RBM41: variants seen among roughly 807,000 people sequenced by gnomAD.
The protein encoded by RBM41 is RNA-binding protein 41.
Under a neutral mutation model 30.8 loss-of-function variants are expected in RBM41, and 14 were observed. The ratio of observed to expected loss-of-function variants is 0.45; its 90% CI spans 0.30 to 0.71. The LOEUF (loss-of-function observed/expected upper bound fraction) is 0.71, where lower values mean the gene tolerates loss of function less well. Ranked by LOEUF, RBM41 falls within the 30% of genes least tolerant of loss-of-function variation. RBM41 has a pLI of 0.08. For synonymous variants in RBM41, 120 were observed against 110.1 expected (o/e 1.09, Z -0.56); for missense variants, 276 against 326.3 (o/e 0.85, Z 1.19).
intron 5 of RBM41, among the ~76,000 whole-genome samples, chrX:107,090,811 C>A (rs1922467728): frequency 9.1e-6 from 1 of 109,761 alleles, no homozygotes; most frequent in East Asian, 2.8e-4. Flanking sequence ...TTAAATTTTA[C>A]TTTAAGTTCT....
intron 5 of RBM41, among the ~76,000 whole-genome samples, chrX:107,103,948 C>T (rs1220957522): frequency 9.0e-6 from 1 of 110,529 alleles, no homozygotes; most frequent in Non-Finnish European, 1.9e-5. Context: ...GGAGATGGTC[C>T]GATGATTGTC....
At chrX:107,102,416 A>G in intron 5 of RBM41, among the ~76,000 whole-genome samples, 1 of 111,673 alleles carries the variant, frequency 9.0e-6, no homozygotes, top group South Asian at 3.7e-4. Flanking sequence ...GTGCTCTGGA[A>G]ACAGGGCCAA....
At chrX:107,092,198 A>C (rs1443908965) in intron 5 of RBM41, among the ~76,000 whole-genome samples, 1 of 110,719 alleles carries the variant, frequency 9.0e-6, no homozygotes, top group African/African-American at 3.3e-5. Flanking sequence ...CATTAAGGAA[A>C]AGATTGATAA....
At chrX:107,117,184 T>C (rs1481286013) in intron 1 of RBM41, among the ~76,000 whole-genome samples, 6 of 111,965 alleles carry the variant, frequency 5.4e-5, no homozygotes, top group Non-Finnish European at 1.1e-4. Flanking sequence ...AAGGTACTTT[T>C]AAGCTGACAT....
In RBM41 at chrX:107,063,941, GTCTT is replaced by G. The variant is rs1462638072; in HGVS notation, c.*3582_*3585del. Among the ~76,000 whole-genome samples the G allele has an allele frequency of 7.6e-5, 8 of 105,179 alleles. No individual in the cohort carries two copies. The highest frequency in any genetic ancestry group is 1.0e-4 in the Admixed American group (1 of 9,743). The allele number at this position is 105,179 out of a possible 115,157, so 91.3% of individuals were successfully genotyped here. A position where few individuals can be genotyped will look rare whatever the true frequency, so the allele number is the denominator to read the frequency against. ...GGTGTAAAGTGAGGTTAGTGCTATG[GTCTT>G]TCTTTTCTTTTTTTTTTTTTTTTTG... On this transcript the variant is annotated 3_prime_UTR_variant, in exon 8 of 8. Transcript: ENST00000685964.
chrX:107,102,668 G>A (rs966759587), intron 5 of RBM41, among the ~76,000 whole-genome samples: 2 of 111,428 alleles, frequency 1.8e-5, no homozygotes, highest in Admixed American at 1.9e-4. Flanking sequence ...ACAGGACAAA[G>A]GAAGGATGAT....
In RBM41 at chrX:107,065,885, T is replaced by G. The variant is rs1935820037; in HGVS notation, c.*1642A>C. On this transcript the variant is annotated 3_prime_UTR_variant, in exon 8 of 8. Transcript: ENST00000685964. ...AAAAGAAAAATGCATAGATTGTTTCTGATAATTACATAATTATTTTTGCCT... is the reference window on the plus strand; with the variant it reads ...AAAAGAAAAATGCATAGATTGTTTCGGATAATTACATAATTATTTTTGCCT... 1.7e-5 allele frequency: 11 copies of G among 640,378 alleles called. 1 individual carries two copies. The highest frequency in any genetic ancestry group is 2.3e-5 in the Non-Finnish European group (11 of 477,060). 52.8% of individuals were successfully genotyped at this position (640,378 alleles called of 1,213,427 possible).
intron 6 of RBM41, among the ~76,000 whole-genome samples, chrX:107,076,720 A>G (rs1234326312): frequency 1.8e-5 from 2 of 111,492 alleles, no homozygotes; most frequent in African/African-American, 6.5e-5. Context: ...GTGTTTTTAA[A>G]ACACAATTTA....
chrX:107,098,554 G>T (rs868206614), intron 5 of RBM41, among the ~76,000 whole-genome samples: 1 of 111,324 alleles, frequency 9.0e-6, no homozygotes, highest in Non-Finnish European at 1.9e-5. Flanking sequence ...CACAATAACA[G>T]TCTAGACATT....
At chrX:107,059,491 G>A (rs1935610296), downstream of RBM41, among the ~76,000 whole-genome samples, 1 of 111,204 alleles carries the variant, frequency 9.0e-6, no homozygotes, top group Non-Finnish European at 1.9e-5. Context: ...TATGTATCCT[G>A]GAACTTTGAA....
In RBM41 at chrX:107,062,159, A is replaced by G. The variant is rs753080889; in HGVS notation, c.*5368T>C. On this transcript the variant is annotated 3_prime_UTR_variant, in exon 8 of 8. Coordinates refer to ENST00000685964, the MANE Select transcript of RBM41 (RefSeq NM_001324242.2). ...GAAAATAATATGAATGGAATCAAAC[A>G]GTAAGCAGCCTTTTGAGTTTGGCTT... Among the ~76,000 whole-genome samples, 141 of 112,397 alleles carry G rather than the reference A, an allele frequency of 1.3e-3. No homozygotes were observed. Among genetic ancestry groups the G allele is most frequent in the African/African-American group, 4.4e-3 (136 of 30,974 alleles).
At chrX:107,080,216 A>G (rs1360027283) in intron 6 of RBM41, among the ~76,000 whole-genome samples, 1 of 110,144 alleles carries the variant, frequency 9.1e-6, no homozygotes, top group African/African-American at 3.3e-5. Context: ...TCTTCCAAAG[A>G]GGTTGTATTA....
intron 5 of RBM41, among the ~76,000 whole-genome samples, chrX:107,107,662 G>A (rs1924118491): frequency 9.0e-6 from 1 of 111,513 alleles, no homozygotes; most frequent in African/African-American, 3.3e-5. Flanking sequence ...TTTGCTGGGT[G>A]GATGTGATAC....
intron 6 of RBM41, among the ~76,000 whole-genome samples, 173 bp downstream of exon 6, chrX:107,088,263 T>C (rs1922214313): frequency 8.9e-6 from 1 of 112,200 alleles, no homozygotes; most frequent in African/African-American, 3.2e-5. Flanking sequence ...ATAGGAAATA[T>C]GCTACTTATA....
intron 6 of RBM41, among the ~76,000 whole-genome samples, chrX:107,071,096 T>C (rs1009533750): frequency 4.6e-5 from 5 of 107,665 alleles, no homozygotes; most frequent in South Asian, 8.3e-4. Context: ...TGAGCTCTTA[T>C]ATGTGATTGA....
intron 5 of RBM41, among the ~76,000 whole-genome samples, chrX:107,097,827 G>C (rs1465587341): frequency 1.8e-5 from 2 of 111,912 alleles, no homozygotes; most frequent in Non-Finnish European, 3.8e-5. Context: ...ACCACGTATT[G>C]TAAGATTCCA....
chrX:107,067,329 A>T lies in RBM41; in HGVS notation c.*198T>A. Reference sequence around the variant, plus strand: ...CTTTACCCTTCATACTCAGCATATCATCTGTCCTATATAGTCTTCAATTAT... The same window carrying T: ...CTTTACCCTTCATACTCAGCATATCTTCTGTCCTATATAGTCTTCAATTAT... On this transcript the variant is annotated 3_prime_UTR_variant, in exon 8 of 8. Coordinates refer to ENST00000685964, the MANE Select transcript of RBM41 (RefSeq NM_001324242.2). 1 of 959,795 alleles carries T rather than the reference A, an allele frequency of 1.0e-6. No individual in the cohort carries two copies. The highest frequency in any genetic ancestry group is 1.3e-6 in the Non-Finnish European group (1 of 763,029). 79.1% of individuals were successfully genotyped at this position (959,795 alleles called of 1,213,427 possible).
Position 107,063,727 on chromosome X carries a change from C to CT in RBM41, c.*3799dup, listed in dbSNP as rs1935730012. On this transcript the variant is annotated 3_prime_UTR_variant, in exon 8 of 8. Transcript: ENST00000685964. ...TTCTGATTTTAGTAATTTGATTCTC[C>CT]TTTTTTCCTGGTCAGTCTAGCAGAA... is the stretch of plus-strand genomic sequence containing the variant. Among the ~76,000 whole-genome samples the CT allele has an allele frequency of 9.0e-6, 1 of 110,744 alleles. No homozygotes were observed. Among genetic ancestry groups the CT allele is most frequent in the African/African-American group, 3.3e-5 (1 of 30,497 alleles).
At chrX:107,114,149 C>T (rs1924711552) in intron 4 of RBM41, among the ~76,000 whole-genome samples, 1 of 111,445 alleles carries the variant, frequency 9.0e-6, no homozygotes, top group African/African-American at 3.3e-5. Context: ...GACCTCCCTC[C>T]TTCATTTTCA....
Sources: gnomAD v4.1 joint callset for allele counts (sites outside exome capture counted in the v4.1 genomes callset) on GRCh38, gnomAD v4.1.1 for gene constraint, MANE v1.5 for transcripts, NCBI Gene and HGNC (gene_info 2026-07-23, HGNC 2026-07-21) for gene names.